ARHGAP24: variants seen among roughly 807,000 people sequenced by gnomAD.
The protein encoded by ARHGAP24 is Rho GTPase activating protein 24, also known as rho GTPase-activating protein 24.
ARHGAP24 carries 50 observed loss-of-function variants against 76.4 expected under a neutral mutation model. The observed-to-expected ratio is 0.65, with a 90% CI of 0.52 to 0.83. ARHGAP24 has a LOEUF of 0.83. Ranked by LOEUF, ARHGAP24 falls within the 40% of genes least tolerant of loss-of-function variation. The pLI is 0.00. For synonymous variants in ARHGAP24, 345 were observed against 323.3 expected, an observed-to-expected ratio of 1.07 and a Z score of -0.72; for missense variants, 930 against 914.2, an observed-to-expected ratio of 1.02 and a Z score of -0.22.
chr4:85,635,472 T>C (rs1201502808), intron 2 of ARHGAP24, among the ~76,000 whole-genome samples: 7 of 151,914 alleles, frequency 4.6e-5, no homozygotes, highest in Non-Finnish European at 1.0e-4. Context: ...ATTTATTGCT[T>C]AGTTTCTCCT....
Position 85,967,244 on chromosome 4 carries a change from C to T in ARHGAP24, c.600-4792C>T, listed in dbSNP as rs140529917. On this transcript the variant is annotated intron_variant, in intron 5 of 9. Transcript: ENST00000395184. Reference sequence around the variant, plus strand: ...CAGTTAGAATATACAGAAAGTGTTACGAAGTAGAAGAAAATGAGGCATGGT... The same window carrying T: ...CAGTTAGAATATACAGAAAGTGTTATGAAGTAGAAGAAAATGAGGCATGGT... 9.2e-4 allele frequency among the ~76,000 whole-genome samples: 140 copies of T among 152,090 alleles called. 1 individual carries two copies. The highest frequency in any genetic ancestry group is 3.2e-3 in the African/African-American group (134 of 41,496).
chr4:85,898,749 T>G (rs1340751757), intron 3 of ARHGAP24, among the ~76,000 whole-genome samples: 4 of 152,090 alleles, frequency 2.6e-5, no homozygotes, highest in Admixed American at 6.5e-5. Context: ...CATACATTAT[T>G]TTTTTTTCTT....
At chr4:85,682,323 G>T (rs1226976924) in intron 2 of ARHGAP24, among the ~76,000 whole-genome samples, 1 of 152,190 alleles carries the variant, frequency 6.6e-6, no homozygotes, top group Non-Finnish European at 1.5e-5. Context: ...ATGCTAGTTT[G>T]CTCTATTACC....
intron 3 of ARHGAP24, among the ~76,000 whole-genome samples, chr4:85,852,858 G>A (rs1307466730): frequency 6.6e-6 from 1 of 152,146 alleles, no homozygotes; most frequent in Admixed American, 6.5e-5. Flanking sequence ...CGTCCCAGAG[G>A]GGCATACGGC....
chr4:85,602,689 A>G (rs1720073572), intron 2 of ARHGAP24, among the ~76,000 whole-genome samples: 1 of 152,182 alleles, frequency 6.6e-6, no homozygotes, highest in Admixed American at 6.5e-5. Context: ...TAAGTCCAGA[A>G]TTATGTAATG....
At chr4:85,898,011 A>G (rs1251628541) in intron 3 of ARHGAP24, among the ~76,000 whole-genome samples, 1 of 133,316 alleles carries the variant, frequency 7.5e-6, no homozygotes, top group Non-Finnish European at 1.5e-5. Flanking sequence ...ATACACATAT[A>G]TATATACACA....
intron 3 of ARHGAP24, among the ~76,000 whole-genome samples, chr4:85,900,468 G>A (rs1018480185): frequency 6.9e-6 from 1 of 144,180 alleles, no homozygotes; most frequent in Non-Finnish European, 1.5e-5. Context: ...TTTTTTTTTT[G>A]AGATGGAGTT....
intron 2 of ARHGAP24, among the ~76,000 whole-genome samples, chr4:85,620,620 T>C (rs1720686465): frequency 6.6e-6 from 1 of 151,856 alleles, no homozygotes; most frequent in Admixed American, 6.6e-5. Flanking sequence ...ATTGATCTTT[T>C]CTACTTTTTT....
intron 4 of ARHGAP24, among the ~76,000 whole-genome samples, chr4:85,937,777 GA>G (rs11366141): frequency 0.46 from 69,409 of 151,784 alleles, 17,773 homozygotes; most frequent in African/African-American, 0.7. Context: ...GGTGACTGTA[GA>G]AAAAAGCCAT....
intron 2 of ARHGAP24, among the ~76,000 whole-genome samples, chr4:85,619,817 G>A (rs1317568053): frequency 2.0e-5 from 3 of 151,614 alleles, no homozygotes; most frequent in Non-Finnish European, 4.4e-5. Context: ...TGCAACTTAC[G>A]AAATTCATTT....
rs117219419 is a variant in ARHGAP24 at position 85,881,152 on chromosome 4, C to T, written c.269-42496C>T. ...ACCAAGATGCCTACTAAGTGACAGA[C>T]AGGCAGGTAGTGTATACAGCATGGA... On this transcript the variant is annotated intron_variant, in intron 3 of 9. Transcript: ENST00000395184. Among the ~76,000 whole-genome samples, 3 of 152,272 alleles carry T rather than the reference C, an allele frequency of 2.0e-5. No homozygotes were observed. In the East Asian group the frequency reaches 5.8e-4, roughly 29 times the overall value.
At chr4:85,917,320 C>T (rs1735471010) in intron 3 of ARHGAP24, among the ~76,000 whole-genome samples, 1 of 152,060 alleles carries the variant, frequency 6.6e-6, no homozygotes. Flanking sequence ...CATTGTTGAA[C>T]ATCTGGGTTG....
chr4:85,800,364 C>T (rs976227606), intron 3 of ARHGAP24, among the ~76,000 whole-genome samples: 4 of 152,150 alleles, frequency 2.6e-5, no homozygotes, highest in Non-Finnish European at 4.4e-5. Flanking sequence ...GCTCTTTGCT[C>T]TTGTACCAGA....
intron 3 of ARHGAP24, among the ~76,000 whole-genome samples, chr4:85,763,518 A>G (rs1487480960): frequency 6.6e-6 from 1 of 152,152 alleles, no homozygotes; most frequent in Admixed American, 6.6e-5. Flanking sequence ...CCTGGATTGG[A>G]AGTTCAGAAT....
At chr4:85,913,723 GGT>G in intron 3 of ARHGAP24, among the ~76,000 whole-genome samples, 1 of 152,142 alleles carries the variant, frequency 6.6e-6, no homozygotes, top group African/African-American at 2.4e-5. Flanking sequence ...TACCTCCTAG[GGT>G]TCTTGTAAAA....
chr4:85,955,200 A>G (rs1737839700), intron 5 of ARHGAP24, among the ~76,000 whole-genome samples: 1 of 151,982 alleles, frequency 6.6e-6, no homozygotes, highest in Admixed American at 6.5e-5. Flanking sequence ...ATACATGACT[A>G]TTTGAATAAG....
At chr4:85,631,998 T>C (rs1041372114) in intron 2 of ARHGAP24, among the ~76,000 whole-genome samples, 13 of 152,118 alleles carry the variant, frequency 8.5e-5, no homozygotes, top group African/African-American at 2.9e-4. Context: ...TTTGTATCCA[T>C]AGATCCAATT....
At chr4:85,483,057 C>T (rs1185553194) in intron 1 of ARHGAP24, among the ~76,000 whole-genome samples, 1 of 152,154 alleles carries the variant, frequency 6.6e-6, no homozygotes, top group East Asian at 1.9e-4. Context: ...TTAATGACAC[C>T]TACTTCATAG....
At chr4:85,861,024 A>ACACACT (rs1006720943) in intron 3 of ARHGAP24, among the ~76,000 whole-genome samples, 13 of 151,346 alleles carry the variant, frequency 8.6e-5, no homozygotes, top group Non-Finnish European at 1.5e-4. Flanking sequence ...ACACACACAC[A>ACACACT]CACACTCTTT....
Sources: gnomAD v4.1 joint callset for allele counts (sites outside exome capture counted in the v4.1 genomes callset) on GRCh38, gnomAD v4.1.1 for gene constraint, MANE v1.5 for transcripts, NCBI Gene and HGNC (gene_info 2026-07-23, HGNC 2026-07-21) for gene names.